DPYSL2: variants seen among roughly 807,000 people sequenced by gnomAD.
DPYSL2 encodes dihydropyrimidinase-related protein 2.
DPYSL2 carries 13 observed loss-of-function variants against 69.9 expected under a neutral mutation model. The observed-to-expected ratio is 0.19, with a 90% CI of 0.12 to 0.30. The LOEUF (loss-of-function observed/expected upper bound fraction) is 0.30. Ranked by LOEUF, DPYSL2 falls within the 10% of genes least tolerant of loss-of-function variation. The pLI is 1.00. For missense variants in DPYSL2, 587 were observed against 918.9 expected, an observed-to-expected ratio of 0.64 and a Z score of 4.67; for synonymous variants, 326 against 359.1, an observed-to-expected ratio of 0.91 and a Z score of 1.04.
rs1442315481 is a variant in DPYSL2, at chr8:26,640,527, C to T, written c.1127-2912C>T. Among the ~76,000 whole-genome samples the T allele has an allele frequency of 6.6e-6, 1 of 152,126 alleles. No individual in the cohort carries two copies. The highest frequency in any genetic ancestry group is 2.4e-5 in the African/African-American group (1 of 41,416). ...GCTCCGGAAGTGCATCCACAGCACC[C>T]TCCTGTGAATGTTTATAGACCCAGG... is the stretch of plus-strand genomic sequence containing the variant. On this transcript the variant is annotated intron_variant, in intron 8 of 13. Transcript: ENST00000521913. This position sits in a 1 kb window ranked among gnomAD's most constrained non-coding sequence, Gnocchi z 4.2.
chr8:26,543,566 C>T (rs1585498984), intron 1 of DPYSL2, among the ~76,000 whole-genome samples: 1 of 151,418 alleles, frequency 6.6e-6, no homozygotes, highest in Non-Finnish European at 1.5e-5. Flanking sequence ...TGGCTCACTA[C>T]AACCTCTGCC....
At position 26,655,797 on chromosome 8, in the gene DPYSL2, G is replaced by GTTTTT; in HGVS notation, c.*98_*102dup. ...TTTCTTCCTTCCTTTTTTTTTTTTT[G>GTTTTT]TTTTTTTTTTTAAGAGCCTGTGATA... On this transcript the variant is annotated 3_prime_UTR_variant, in exon 14 of 14. Transcript: ENST00000521913. 1 of 785,372 alleles carries GTTTTT rather than the reference G, an allele frequency of 1.3e-6. No individual in the cohort carries two copies. Among genetic ancestry groups the GTTTTT allele is most frequent in the Non-Finnish European group, 1.7e-6 (1 of 574,136 alleles). The allele number at this position is 785,372 out of a possible 1,614,324, so 48.7% of individuals were successfully genotyped here. A position where few individuals can be genotyped will look rare whatever the true frequency, so the allele number is the denominator to read the frequency against.
At chr8:26,559,200 C>T (rs1489891507) in intron 1 of DPYSL2, among the ~76,000 whole-genome samples, 1 of 152,174 alleles carries the variant, frequency 6.6e-6, no homozygotes, top group Non-Finnish European at 1.5e-5. Context: ...GCCTCCGCCT[C>T]CCAAAGTGCT....
At position 26,580,210 on chromosome 8, in the gene DPYSL2, G is replaced by C. The variant is rs2129726672; in HGVS notation, c.355-1759G>C. Among the ~76,000 whole-genome samples the C allele has an allele frequency of 6.6e-6, 1 of 152,252 alleles. No individual in the cohort carries two copies. Among genetic ancestry groups the C allele is most frequent in the Middle Eastern group, 3.4e-3 (1 of 294 alleles). On this transcript the variant is annotated intron_variant, in intron 1 of 13. Coordinates refer to ENST00000521913, the MANE Select transcript of DPYSL2 (RefSeq NM_001197293.3). This position sits in a 1 kb window ranked among gnomAD's most constrained non-coding sequence, Gnocchi z 4.1. The stretch of plus-strand genomic sequence containing the variant: ...GGGGGAGGCCTCTCCTTGCCTTCCA[G>C]GTGATATTTATTCCATGGAAGCTTA...
chr8:26,545,823 C>T (rs984840144), intron 1 of DPYSL2, among the ~76,000 whole-genome samples: 3 of 151,530 alleles, frequency 2.0e-5, no homozygotes, highest in African/African-American at 7.3e-5. Context: ...AAAGATAATT[C>T]GACTATATTT....
Position 26,650,812 on chromosome 8 carries a change from G to A in DPYSL2, c.1597-1445G>A, listed in dbSNP as rs1803267298. Among the ~76,000 whole-genome samples the A allele has an allele frequency of 6.6e-6, 1 of 152,170 alleles. No homozygotes were observed. The highest frequency in any genetic ancestry group is 2.1e-4 in the South Asian group (1 of 4,818). ...GGGAAAAATGTCTCCCCCAAGAATT[G>A]GAACTGGAAGTGGGTGCTTGTCCAG... On this transcript the variant is annotated intron_variant, in intron 11 of 13. Transcript: ENST00000521913. The surrounding 1 kb of genome is among the most constrained non-coding windows in gnomAD (Gnocchi z 5.3).
rs1487073810 is a variant in DPYSL2, at chr8:26,605,173, A to G, written c.629-18970A>G. On this transcript the variant is annotated intron_variant, in intron 3 of 13. Coordinates refer to ENST00000521913, the MANE Select transcript of DPYSL2 (RefSeq NM_001197293.3). The surrounding 1 kb of genome is among the most constrained non-coding windows in gnomAD (Gnocchi z 4.1). ...GGGCTGGCCCATCAAGTACCTCAATATATTGCTCCCTGATGAGGGAGGGGC... is the reference window on the plus strand; with the variant it reads ...GGGCTGGCCCATCAAGTACCTCAATGTATTGCTCCCTGATGAGGGAGGGGC... Among the ~76,000 whole-genome samples, 2 of 152,056 alleles carry G rather than the reference A, an allele frequency of 1.3e-5. No homozygotes were observed. The highest frequency in any genetic ancestry group is 4.8e-5 in the African/African-American group (2 of 41,392).
At chr8:26,541,945 A>G (rs2117624296) in intron 1 of DPYSL2, among the ~76,000 whole-genome samples, 1 of 152,370 alleles carries the variant, frequency 6.6e-6, no homozygotes, top group Middle Eastern at 3.4e-3. Context: ...ATTAATAATT[A>G]CTTAAATGTA....
At chr8:26,578,202 C>CT (rs962343900) in intron 1 of DPYSL2, 103 of 1,611,816 alleles carry the variant, frequency 6.4e-5, no homozygotes, top group Admixed American at 1.7e-4. Context: ...CCCTTCCCGG[C>CT]AGTTTTTGCC....
intron 3 of DPYSL2, among the ~76,000 whole-genome samples, chr8:26,595,929 T>A (rs916164585): frequency 2.6e-5 from 4 of 152,118 alleles, no homozygotes; most frequent in Non-Finnish European, 5.9e-5. Context: ...GACAGGCATA[T>A]CTCATGCCTT....
chr8:26,641,715 G>C lies in DPYSL2; in HGVS notation c.1127-1724G>C, dbSNP rs1021407313. Among the ~76,000 whole-genome samples the C allele has an allele frequency of 6.6e-6, 1 of 152,214 alleles. No individual in the cohort carries two copies. The highest frequency in any genetic ancestry group is 1.9e-4 in the East Asian group (1 of 5,178). Reference sequence around the variant, plus strand: ...AGCACTGGCCCTTTTCTTCCTTGGGGCTTCCTTCTGGAGGAGGTTTCCCTG... The same window carrying C: ...AGCACTGGCCCTTTTCTTCCTTGGGCCTTCCTTCTGGAGGAGGTTTCCCTG... On this transcript the variant is annotated intron_variant, in intron 8 of 13. Transcript: ENST00000521913. This position sits in a 1 kb window ranked among gnomAD's most constrained non-coding sequence, Gnocchi z 4.1.
At position 26,514,751 on chromosome 8, in the gene DPYSL2, G is replaced by T. The variant is rs1563370831; in HGVS notation, c.354+72G>T. ...TCGCCCCTCCCTCGCCCCTGAGCCCGGCGCGCCCGCCTTCATGCCCCGCCC... is the reference window on the plus strand; with the variant it reads ...TCGCCCCTCCCTCGCCCCTGAGCCCTGCGCGCCCGCCTTCATGCCCCGCCC... On this transcript the variant is annotated intron_variant, in intron 1 of 13. Transcript: ENST00000521913. The surrounding 1 kb of genome is among the most constrained non-coding windows in gnomAD (Gnocchi z 8.4). The T allele has an allele frequency of 1.5e-6, 2 of 1,300,632 alleles. No homozygotes were observed. Among genetic ancestry groups the T allele is most frequent in the Non-Finnish European group, 2.0e-6 (2 of 1,006,736 alleles). The allele number at this position is 1,300,632 out of a possible 1,614,324, so 80.6% of individuals were successfully genotyped here. A position where few individuals can be genotyped will look rare whatever the true frequency, so the allele number is the denominator to read the frequency against.
At chr8:26,634,599 C>T (rs111910651) in intron 7 of DPYSL2, among the ~76,000 whole-genome samples, 181 bp from the exon 8 acceptor site, 10 of 152,148 alleles carry the variant, frequency 6.6e-5, no homozygotes, top group African/African-American at 2.4e-4. Flanking sequence ...GGAATTAGTT[C>T]AACCAAACCA....
intron 3 of DPYSL2, among the ~76,000 whole-genome samples, chr8:26,602,903 T>C (rs1802023261): frequency 1.3e-5 from 2 of 152,370 alleles, no homozygotes; most frequent in Middle Eastern, 6.8e-3. Flanking sequence ...CTTCAGCCAA[T>C]AGGTCCTATG....
In DPYSL2 at chr8:26,604,657, C is replaced by CT. The variant is rs372310488; in HGVS notation, c.629-19473dup. Among the ~76,000 whole-genome samples, 567 of 145,566 alleles carry CT rather than the reference C, an allele frequency of 3.9e-3. 2 individuals carry two copies. The highest frequency in any genetic ancestry group is 0.011 in the African/African-American group (425 of 39,834). On this transcript the variant is annotated intron_variant, in intron 3 of 13. Transcript: ENST00000521913. Reference sequence around the variant, plus strand: ...TCAACCTACTCCCTGTCAAGTCTTGCTTTTTTTTTTTTTGAGACAAGAGTC... The same window carrying CT: ...TCAACCTACTCCCTGTCAAGTCTTGCTTTTTTTTTTTTTTGAGACAAGAGTC...
chr8:26,527,277 G>A (rs1808494609), intron 1 of DPYSL2, among the ~76,000 whole-genome samples: 1 of 152,164 alleles, frequency 6.6e-6, no homozygotes, highest in African/African-American at 2.4e-5. Context: ...GATGTGATAA[G>A]TTATATTCTC....
intron 1 of DPYSL2, among the ~76,000 whole-genome samples, chr8:26,557,199 G>GACTTCAAAAGTAAAAAACCTTTT (rs58015444): frequency 0.77 from 116,301 of 150,926 alleles, 45,297 homozygotes; most frequent in East Asian, 0.99. Flanking sequence ...TGATAAGCTG[G>GACTTCAAAAGTAAAAAACCTTTT]ACTTCAAAAG....
chr8:26,636,516 T>C (rs1225848514), intron 8 of DPYSL2, among the ~76,000 whole-genome samples: 1 of 152,250 alleles, frequency 6.6e-6, no homozygotes, highest in Non-Finnish European at 1.5e-5. Context: ...GTTTACTTCA[T>C]ATTCAAACCT....
intron 1 of DPYSL2, among the ~76,000 whole-genome samples, chr8:26,540,813 G>A (rs1422888246): frequency 6.6e-6 from 1 of 151,342 alleles, no homozygotes; most frequent in African/African-American, 2.4e-5. Flanking sequence ...GCTGAGGCAG[G>A]AGAATTGCTT....
Sources: gnomAD v4.1 joint callset for allele counts (sites outside exome capture counted in the v4.1 genomes callset) on GRCh38, gnomAD v4.1.1 for gene constraint, Gnocchi (gnomAD v3.1) non-coding constraint, MANE v1.5 for transcripts, NCBI Gene and HGNC (gene_info 2026-07-23, HGNC 2026-07-21) for gene names.